Variants in GALNT2 observed in about 807,000 individuals in gnomAD.
The protein encoded by GALNT2 is polypeptide N-acetylgalactosaminyltransferase 2.
GALNT2 carries 31 observed loss-of-function variants against 81.4 expected under a neutral mutation model. The ratio of observed to expected loss-of-function variants is 0.38; its 90% CI spans 0.29 to 0.51. The LOEUF (loss-of-function observed/expected upper bound fraction) is 0.51, where lower values mean the gene tolerates loss of function less well. Among genes scored for constraint, GALNT2 ranks in the 20% least tolerant of loss-of-function variants. The pLI, the probability that GALNT2 is intolerant of heterozygous loss-of-function variation, is 0.87. For missense variants in GALNT2, 629 were observed against 765.7 expected, an observed-to-expected ratio of 0.82 and a Z score of 2.11; for synonymous variants, 303 against 287.4, an observed-to-expected ratio of 1.05 and a Z score of -0.55.
At chr1:230,085,865 G>A (rs928521467) in intron 1 of GALNT2, among the ~76,000 whole-genome samples, 1 of 151,892 alleles carries the variant, frequency 6.6e-6, no homozygotes, top group African/African-American at 2.4e-5. Context: ...TAGACGTTGG[G>A]GGTGAAGGAT....
chr1:230,110,282 G>C (rs551545480), intron 1 of GALNT2, among the ~76,000 whole-genome samples: 2 of 152,280 alleles, frequency 1.3e-5, no homozygotes, highest in South Asian at 4.1e-4. Context: ...GACATTTTAG[G>C]GGGACCAAAA....
At chr1:230,205,152 A>G (rs1664021262) in intron 3 of GALNT2, among the ~76,000 whole-genome samples, 1 of 152,194 alleles carries the variant, frequency 6.6e-6, no homozygotes, top group South Asian at 2.1e-4. Flanking sequence ...ACAAATGGCC[A>G]GTGAAACTAC....
intron 1 of GALNT2, among the ~76,000 whole-genome samples, chr1:230,143,066 T>G (rs1661798571): frequency 6.6e-6 from 1 of 152,160 alleles, no homozygotes; most frequent in South Asian, 2.1e-4. Flanking sequence ...AGTCCATGTC[T>G]GAGCAGCTGG....
chr1:230,223,447 T>C (rs1664612925), intron 3 of GALNT2, among the ~76,000 whole-genome samples: 1 of 150,738 alleles, frequency 6.6e-6, no homozygotes, highest in Non-Finnish European at 1.5e-5. Context: ...TAATAGACTC[T>C]TAGCCATTTT....
chr1:230,118,551 TC>T (rs1660917836), intron 1 of GALNT2, among the ~76,000 whole-genome samples: 1 of 152,230 alleles, frequency 6.6e-6, no homozygotes, highest in Non-Finnish European at 1.5e-5. Flanking sequence ...AGTGCCACCA[TC>T]TGCAGGGTCA....
At chr1:230,162,415 A>G (rs1033518042) in intron 1 of GALNT2, among the ~76,000 whole-genome samples, 1 of 152,202 alleles carries the variant, frequency 6.6e-6, no homozygotes. Flanking sequence ...AGTTCTTTCT[A>G]GTTTCCCTTA....
At chr1:230,252,070 G>A (rs1665561098) in intron 10 of GALNT2, among the ~76,000 whole-genome samples, 1 of 152,196 alleles carries the variant, frequency 6.6e-6, no homozygotes, top group Admixed American at 6.5e-5. Context: ...CCCTCCGTGA[G>A]GGGCTCTCCT....
At chr1:230,071,875 A>G (rs989104379) in intron 1 of GALNT2, among the ~76,000 whole-genome samples, 7 of 152,226 alleles carry the variant, frequency 4.6e-5, no homozygotes, top group Admixed American at 2.0e-4. Context: ...GTCAGCAAAC[A>G]TAATGGAAAC....
At chr1:230,217,103 G>T (rs78541672) in intron 3 of GALNT2, among the ~76,000 whole-genome samples, 1 of 152,076 alleles carries the variant, frequency 6.6e-6, no homozygotes, top group South Asian at 2.1e-4. Context: ...AAACTCTGCC[G>T]TCATAGAGCT....
chr1:230,233,224 A>G (rs983087528), intron 3 of GALNT2, among the ~76,000 whole-genome samples: 4 of 152,180 alleles, frequency 2.6e-5, no homozygotes, highest in Admixed American at 6.5e-5. Context: ...TTTTTAATCT[A>G]TCTCCTTCGT....
chr1:230,243,939 C>T lies in GALNT2; in HGVS notation c.729+512C>T, dbSNP rs1479573193. 1.3e-5 allele frequency among the ~76,000 whole-genome samples: 2 copies of T among 152,004 alleles called. No individual in the cohort carries two copies. Among genetic ancestry groups the T allele is most frequent in the Admixed American group, 1.3e-4 (2 of 15,264 alleles). Reference sequence around the variant, plus strand: ...TTGTGGCTAGGAAGCATACAGGGACCGGTGGGGTTGTCAGAGGGTGATCCG... The same window carrying T: ...TTGTGGCTAGGAAGCATACAGGGACTGGTGGGGTTGTCAGAGGGTGATCCG... On this transcript the variant is annotated intron_variant, in intron 7 of 15. Coordinates refer to ENST00000366672, the MANE Select transcript of GALNT2 (RefSeq NM_004481.5). The surrounding 1 kb of genome is among the most constrained non-coding windows in gnomAD (Gnocchi z 4.2).
chr1:230,222,086 G>C (rs1664567344), intron 3 of GALNT2, among the ~76,000 whole-genome samples: 1 of 129,472 alleles, frequency 7.7e-6, no homozygotes, highest in Non-Finnish European at 1.5e-5. Flanking sequence ...GAGTGCAGTG[G>C]TGCGATCTCA....
rs770669315 is a variant in GALNT2 at position 230,243,268 on chromosome 1, TTC to T, written c.608-31_608-30del. 12 of 1,562,946 alleles carry T rather than the reference TTC, an allele frequency of 7.7e-6. No homozygotes were observed. The African/African-American group carries it at 1.6e-4, about 21-fold the overall frequency. Reference sequence around the variant, plus strand: ...CATGGGGTTGTGCTGGCCCTGTGGCTTCTCTCTCCTGACGTGCTTTCCAACTC... The same window carrying T: ...CATGGGGTTGTGCTGGCCCTGTGGCTTCTCTCCTGACGTGCTTTCCAACTC... On this transcript the variant is annotated intron_variant, in intron 6 of 15. Transcript: ENST00000366672. This position sits in a 1 kb window ranked among gnomAD's most constrained non-coding sequence, Gnocchi z 4.2.
chr1:230,150,570 G>A (rs1292750344), intron 1 of GALNT2, among the ~76,000 whole-genome samples: 2 of 152,230 alleles, frequency 1.3e-5, no homozygotes, highest in African/African-American at 4.8e-5. Context: ...TGTGTGACTT[G>A]ATTCTGAAAG....
At position 230,255,211 on chromosome 1, in the gene GALNT2, G is replaced by A. The variant is rs187994711; in HGVS notation, c.1010-7G>A. 41 of 1,614,220 alleles carry A rather than the reference G, an allele frequency of 2.5e-5. No homozygotes were observed. The East Asian group carries it at 5.3e-4, about 21-fold the overall frequency. Reference sequence around the variant, plus strand: ...GTCAGTCACCTGTGTCTTGTTCATCGTCTCAGAGATCTCGTTCCGCGTGTG... The same window carrying A: ...GTCAGTCACCTGTGTCTTGTTCATCATCTCAGAGATCTCGTTCCGCGTGTG... On this transcript the variant is annotated splice_polypyrimidine_tract_variant and splice_region_variant and intron_variant, in intron 10 of 15. Transcript: ENST00000366672.
chr1:230,087,990 T>C (rs986074986), intron 1 of GALNT2, among the ~76,000 whole-genome samples: 2 of 152,192 alleles, frequency 1.3e-5, no homozygotes, highest in African/African-American at 4.8e-5. Flanking sequence ...TCTTACAGGC[T>C]CTTGGCTAAA....
chr1:230,145,715 G>C (rs565080409), intron 1 of GALNT2, among the ~76,000 whole-genome samples: 1 of 152,218 alleles, frequency 6.6e-6, no homozygotes, highest in Non-Finnish European at 1.5e-5. Flanking sequence ...ACAGCAGGAC[G>C]TCAGGCAAGC....
At chr1:230,200,354 C>T (rs568082171) in intron 2 of GALNT2, among the ~76,000 whole-genome samples, 9 of 152,156 alleles carry the variant, frequency 5.9e-5, no homozygotes, top group Non-Finnish European at 8.8e-5. Flanking sequence ...TGAGCCAGTG[C>T]GCCCGGCCTA....
At chr1:230,111,679 G>A (rs145165846) in intron 1 of GALNT2, among the ~76,000 whole-genome samples, 125 of 152,302 alleles carry the variant, frequency 8.2e-4, no homozygotes, top group Middle Eastern at 3.4e-3. Context: ...AGCTTGTTGC[G>A]TTAAATTAAT....
Sources: gnomAD v4.1 joint callset for allele counts (sites outside exome capture counted in the v4.1 genomes callset) on GRCh38, gnomAD v4.1.1 for gene constraint, Gnocchi (gnomAD v3.1) non-coding constraint, MANE v1.5 for transcripts, NCBI Gene and HGNC (gene_info 2026-07-23, HGNC 2026-07-21) for gene names.